MCM10: variants seen among roughly 807,000 people sequenced by gnomAD.
MCM10 encodes protein MCM10 homolog.
In MCM10, 91 loss-of-function variants were observed where a neutral mutation model predicts 109.9. The ratio of observed to expected loss-of-function variants is 0.83; its 90% CI spans 0.70 to 0.99. The LOEUF (loss-of-function observed/expected upper bound fraction) is 0.99. Ranked by LOEUF, MCM10 falls within the 50% of genes least tolerant of loss-of-function variation. The probability of loss-of-function intolerance (pLI) is 0.00; values close to 1 mark genes in which losing one functional copy is unlikely to be tolerated. For missense variants in MCM10, 1,077 were observed against 1,061.2 expected, an observed-to-expected ratio of 1.01 and a Z score of -0.21; for synonymous variants, 380 against 387.2, an observed-to-expected ratio of 0.98 and a Z score of 0.22.
chr10:13,170,898 G>C, intron 2 of MCM10, 24 bp from the exon 3 acceptor site: 2 of 1,598,216 alleles, frequency 1.3e-6, no homozygotes, highest in Middle Eastern at 1.7e-4. Flanking sequence ...CTTATTCTCT[G>C]TCCTTTCTCT....
rs755306120 is a variant in MCM10, at chr10:13,183,108, C to T, written c.1098+8C>T. The T allele has an allele frequency of 7.5e-6, 12 of 1,603,650 alleles. No individual in the cohort carries two copies. In the South Asian group the frequency reaches 1.2e-4, roughly 16 times the overall value. On this transcript the variant is annotated splice_region_variant and intron_variant, in intron 8 of 19. Coordinates refer to ENST00000378714, the MANE Select transcript of MCM10 (RefSeq NM_018518.5). ...AAGGATGGTTCAGAGGAGGTAAGAG[C>T]CTGTTTCTGGGATTTGATTGATGAT...
At chr10:13,189,126 A>G in intron 10 of MCM10, 46 bp downstream of exon 10, 2 of 1,600,702 alleles carry the variant, frequency 1.2e-6, no homozygotes, top group East Asian at 2.2e-5. Flanking sequence ...TTTGCTTATC[A>G]AAGACTAAAC....
chr10:13,163,925 A>C (rs1469417431), intron 1 of MCM10, among the ~76,000 whole-genome samples: 1 of 152,174 alleles, frequency 6.6e-6, no homozygotes, highest in Non-Finnish European at 1.5e-5. Context: ...CTGTAACCTT[A>C]AACACAAGTA....
rs767999117 is a variant in MCM10, at chr10:13,201,549, G to A, written c.2352+15G>A. 1 of 1,584,002 alleles carries A rather than the reference G, an allele frequency of 6.3e-7. No homozygotes were observed. Among genetic ancestry groups the A allele is most frequent in the Non-Finnish European group, 8.6e-7 (1 of 1,160,208 alleles). On this transcript the variant is annotated intron_variant, in intron 17 of 19. Transcript: ENST00000378714. ...CATGCAAGACGGTGGGTGAAGGTGGGGGCTGCAGCAACCCATGGGCCCTGT... is the reference window on the plus strand; with the variant it reads ...CATGCAAGACGGTGGGTGAAGGTGGAGGCTGCAGCAACCCATGGGCCCTGT...
intron 11 of MCM10, among the ~76,000 whole-genome samples, chr10:13,191,776 T>C (rs1834350615): frequency 6.6e-6 from 1 of 152,240 alleles, no homozygotes; most frequent in African/African-American, 2.4e-5. Context: ...TTAAAATTTC[T>C]TGGTGTATCT....
At chr10:13,191,440 A>C (rs1217195070) in intron 11 of MCM10, 41 bp downstream of exon 11, 1 of 1,517,476 alleles carries the variant, frequency 6.6e-7, no homozygotes, top group African/African-American at 1.4e-5. Context: ...TCTCCAGTTT[A>C]ATTATGCAGC....
At chr10:13,191,496 G>A (rs564701598) in intron 11 of MCM10, 97 bp downstream of exon 11, 172 of 874,382 alleles carry the variant, frequency 2.0e-4, no homozygotes, top group East Asian at 6.0e-4. Context: ...ACACTGCTCC[G>A]GTGATGGGTA....
chr10:13,196,080 G>A (rs1834417282), intron 14 of MCM10, among the ~76,000 whole-genome samples: 1 of 151,872 alleles, frequency 6.6e-6, no homozygotes, highest in Non-Finnish European at 1.5e-5. Flanking sequence ...GCTAATTTTT[G>A]TATTTTTTGT....
rs762004104 is a variant in MCM10 at position 13,204,325 on chromosome 10, G to C, written c.2459G>C (p.Arg820Thr). 5.6e-6 allele frequency: 9 copies of C among 1,614,234 alleles called. No individual in the cohort carries two copies. The South Asian group carries it at 9.9e-5, about 18-fold the overall frequency. The change falls in exon 18 of 20, where the codon AGA becomes ACA. Residue 820 changes from arginine to threonine, a missense_variant. Arg to Thr is a moderately conservative substitution (Grantham distance 71). Transcript: ENST00000378714. Reference sequence around the variant, plus strand: ...TTTTTCAAATGTCCCTGTGGAAACAGAAGCATCTCCTTGGACAGACTCCCG... The same window carrying C: ...TTTTTCAAATGTCCCTGTGGAAACACAAGCATCTCCTTGGACAGACTCCCG... ...KRFFKCPCGN[R>T]SISLDRLPNK... is the part of the protein sequence containing the mutation.
chr10:13,180,421 A>G, intron 6 of MCM10, 21 bp from the exon 7 acceptor site: 1 of 1,600,306 alleles, frequency 6.2e-7, no homozygotes, highest in East Asian at 2.2e-5. Context: ...ATAATTACTA[A>G]TCGCTGGTTT....
intron 6 of MCM10, among the ~76,000 whole-genome samples, chr10:13,177,755 G>C (rs1834160755): frequency 6.6e-6 from 1 of 151,562 alleles, no homozygotes; most frequent in Non-Finnish European, 1.5e-5. Context: ...TCTAGTTCCA[G>C]CTGCTTGGTA....
chr10:13,206,289 G>A (rs749125755), intron 18 of MCM10, among the ~76,000 whole-genome samples: 7 of 152,070 alleles, frequency 4.6e-5, no homozygotes, highest in Admixed American at 6.6e-5. Context: ...ATCACATTTC[G>A]CCCACGGGCA....
intron 5 of MCM10, among the ~76,000 whole-genome samples, chr10:13,175,305 T>C (rs1834126335): frequency 6.6e-6 from 1 of 152,058 alleles, no homozygotes; most frequent in South Asian, 2.1e-4. Flanking sequence ...TGGTGGCACA[T>C]ACCTGTGTTC....
At position 13,170,547 on chromosome 10, in the gene MCM10, CCA is replaced by C. The variant is rs530901247; in HGVS notation, c.8-373_8-372del. Among the ~76,000 whole-genome samples, 160 of 152,198 alleles carry C rather than the reference CCA, an allele frequency of 1.1e-3. 1 individual carries two copies. Among genetic ancestry groups the C allele is most frequent in the African/African-American group, 2.9e-3 (122 of 41,544 alleles). On this transcript the variant is annotated intron_variant, in intron 2 of 19. Transcript: ENST00000378714. ...GAGGACATTTGGCCCCGTGGCTGGC[CCA>C]CTCTACTCACTAAGCAGTATTGGCT...
rs141967915 is a variant in MCM10, at chr10:13,171,117, G to C, written c.203G>C (p.Arg68Thr). Residue 68 changes from arginine (R) to threonine (T), a missense_variant, in exon 3 of 20, where the codon AGA becomes ACA. Transcript: ENST00000378714. ...EADDGETGET[R>T]DEKENLATLF... ...GATGATGGAGAAACAGGAGAGACAA[G>C]AGACGAAAAGGAAAATCTGGCCACT... 14 of 1,614,216 alleles carry C rather than the reference G, an allele frequency of 8.7e-6. No homozygotes were observed. The Admixed American group carries it at 1.2e-4, about 13-fold the overall frequency.
intron 17 of MCM10, among the ~76,000 whole-genome samples, chr10:13,203,609 C>T (rs1018924509): frequency 3.9e-5 from 6 of 152,284 alleles, no homozygotes; most frequent in Non-Finnish European, 8.8e-5. Context: ...ATTGATCAAG[C>T]TCAGTGTAAT....
chr10:13,209,626 G>A lies in MCM10; in HGVS notation c.*316G>A. 2.9e-6 allele frequency: 1 copy of A among 349,046 alleles called. No homozygotes were observed. Among genetic ancestry groups the A allele is most frequent in the Non-Finnish European group, 5.2e-6 (1 of 190,564 alleles). 21.6% of individuals were successfully genotyped at this position (349,046 alleles called of 1,614,324 possible). A position where few individuals can be genotyped will look rare whatever the true frequency, so the allele number is the denominator to read the frequency against. ...GAGAGCTATGTTTCTGTATCTTTTGGTTATAGAGTGTTCACTTCTTTATCA... is the reference window on the plus strand; with the variant it reads ...GAGAGCTATGTTTCTGTATCTTTTGATTATAGAGTGTTCACTTCTTTATCA... On this transcript the variant is annotated 3_prime_UTR_variant, in exon 20 of 20. Transcript: ENST00000378714.
At chr10:13,171,426 G>A (rs1834072139) in intron 3 of MCM10, among the ~76,000 whole-genome samples, 163 bp downstream of exon 3, 2 of 152,196 alleles carry the variant, frequency 1.3e-5, no homozygotes, top group Non-Finnish European at 2.9e-5. Context: ...TAGATGAAAT[G>A]TTTGGGCCAG....
At position 13,172,350 on chromosome 10, in the gene MCM10, T is replaced by C. The variant is rs1217096396; in HGVS notation, c.350-26T>C. ...AGAACGTTTTCTCCTGCCTGGTTCTTAAATTAACATATTTTCATTTCCTAG... is the reference window on the plus strand; with the variant it reads ...AGAACGTTTTCTCCTGCCTGGTTCTCAAATTAACATATTTTCATTTCCTAG... On this transcript the variant is annotated intron_variant, in intron 3 of 19. Coordinates refer to ENST00000378714, the MANE Select transcript of MCM10 (RefSeq NM_018518.5). This position sits in a 1 kb window ranked among gnomAD's most constrained non-coding sequence, Gnocchi z 5.2. 2 of 1,571,794 alleles carry C rather than the reference T, an allele frequency of 1.3e-6. No individual in the cohort carries two copies. The highest frequency in any genetic ancestry group is 1.7e-6 in the Non-Finnish European group (2 of 1,146,870).
Sources: allele counts gnomAD v4.1 joint callset (sites outside exome capture counted in the v4.1 genomes callset), GRCh38; gene constraint gnomAD v4.1.1; non-coding constraint Gnocchi (gnomAD v3.1); transcripts MANE v1.5; gene names NCBI Gene and HGNC (gene_info 2026-07-23, HGNC 2026-07-21).